The following CCDC73 variants were observed in gnomAD, a reference collection of about 807,000 sequenced individuals.
CCDC73 encodes the protein coiled-coil domain-containing protein 73.
Under a neutral mutation model 116.5 loss-of-function variants are expected in CCDC73, and 95 were observed. The observed-to-expected ratio is 0.82, with a 90% CI of 0.69 to 0.97. The LOEUF (loss-of-function observed/expected upper bound fraction) is 0.97, where lower values mean the gene tolerates loss of function less well. CCDC73 is among the 50% of genes least tolerant of loss of function. The probability of loss-of-function intolerance (pLI) is 0.00; values close to 1 mark genes in which losing one functional copy is unlikely to be tolerated. For missense variants in CCDC73, 1,066 were observed against 1,206.8 expected, an observed-to-expected ratio of 0.88 and a Z score of 1.73; for synonymous variants, 398 against 401.3, an observed-to-expected ratio of 0.99 and a Z score of 0.10.
intron 5 of CCDC73, among the ~76,000 whole-genome samples, chr11:32,699,957 A>G (rs1292700340): frequency 6.6e-6 from 1 of 150,822 alleles, no homozygotes; most frequent in Non-Finnish European, 1.5e-5. Context: ...TTAACCTTCC[A>G]TCTGTACTAC....
chr11:32,614,980 C>T (rs1855461835), intron 15 of CCDC73, 38 bp from the exon 16 acceptor site: 2 of 1,233,270 alleles, frequency 1.6e-6, no homozygotes, highest in African/African-American at 1.5e-5. Context: ...TTATATTATA[C>T]ACTAAAGGCT....
chr11:32,701,571 G>T (rs1849813464), intron 4 of CCDC73, among the ~76,000 whole-genome samples: 1 of 152,012 alleles, frequency 6.6e-6, no homozygotes, highest in Non-Finnish European at 1.5e-5. Flanking sequence ...TTAAGCACCT[G>T]TAGTCCCAGC....
chr11:32,615,277 T>A (rs905735295), intron 15 of CCDC73, among the ~76,000 whole-genome samples: 7 of 152,284 alleles, frequency 4.6e-5, no homozygotes, highest in Middle Eastern at 3.4e-3. Context: ...GGACACTTAG[T>A]ACAATTCCAC....
chr11:32,635,647 G>A, intron 14 of CCDC73, 49 bp downstream of exon 14: 1 of 1,227,592 alleles, frequency 8.1e-7, no homozygotes, highest in African/African-American at 1.5e-5. Flanking sequence ...CATAGTGACA[G>A]TCTTAATTTC....
chr11:32,802,369 A>C, the CCDC73 span, among the ~76,000 whole-genome samples: 1 of 152,250 alleles, frequency 6.6e-6, no homozygotes, highest in Non-Finnish European at 1.5e-5. Context: ...ATCTTAGTGA[A>C]TCAAAAATGT....
At position 32,602,994 on chromosome 11, in the gene CCDC73, A is replaced by C. The variant is rs1407725067; in HGVS notation, c.3057T>G (p.Thr1019=). 1 of 1,603,720 alleles carries C rather than the reference A, an allele frequency of 6.2e-7. No homozygotes were observed. The highest frequency in any genetic ancestry group is 1.3e-5 in the African/African-American group (1 of 74,132). The change falls in exon 18 of 18, where the codon ACT becomes ACG. Residue 1019 remains threonine (T), a synonymous_variant. Transcript: ENST00000335185. The part of the protein sequence containing the change: ...EHVKTKPLIS[T]PLQSHLQAIK... ...TTGCCTGCAAATGGCTTTGTAGTGG[A>C]GTTGATATCAGAGGCTTTGTTTTCA...
intron 2 of CCDC73, among the ~76,000 whole-genome samples, chr11:32,738,664 G>C (rs1039639065): frequency 6.6e-6 from 1 of 152,044 alleles, no homozygotes; most frequent in Non-Finnish European, 1.5e-5. Flanking sequence ...TCTTCACTTT[G>C]TTGATTGTTT....
intron 1 of CCDC73, among the ~76,000 whole-genome samples, chr11:32,763,539 C>G (rs1850411387): frequency 6.6e-6 from 1 of 152,204 alleles, no homozygotes; most frequent in African/African-American, 2.4e-5. Flanking sequence ...TCCAACAGAC[C>G]TGCAGCTGAG....
intron 2 of CCDC73, among the ~76,000 whole-genome samples, chr11:32,734,779 T>C (rs1850113411): frequency 6.6e-6 from 1 of 152,172 alleles, no homozygotes; most frequent in Admixed American, 6.6e-5. Flanking sequence ...AATAAAATAC[T>C]GGCAAACCGA....
At chr11:32,776,989 GTATATATATATATATATA>G (rs71063758) in intron 1 of CCDC73, among the ~76,000 whole-genome samples, 32 of 101,128 alleles carry the variant, frequency 3.2e-4, no homozygotes, top group African/African-American at 5.2e-4. Flanking sequence ...ATATACACAT[GTATATATATATATATATA>G]TATATATATA....
intron 2 of CCDC73, among the ~76,000 whole-genome samples, chr11:32,726,415 C>G (rs10835960): frequency 0.27 from 41,140 of 151,892 alleles, 6,452 homozygotes; most frequent in East Asian, 0.79. Flanking sequence ...AAATTAAGAA[C>G]TCAATAGATT....
At chr11:32,703,192 A>AT (rs1196933677) in intron 3 of CCDC73, among the ~76,000 whole-genome samples, 5 of 152,044 alleles carry the variant, frequency 3.3e-5, no homozygotes, top group African/African-American at 9.7e-5. Context: ...GGCTCAGGTG[A>AT]TTCTCCTGCC....
At chr11:32,643,628 A>G (rs959096850) in intron 12 of CCDC73, among the ~76,000 whole-genome samples, 3 of 152,170 alleles carry the variant, frequency 2.0e-5, no homozygotes, top group African/African-American at 7.2e-5. Flanking sequence ...GAAAAGGTAC[A>G]GTAAAAATGA....
chr11:32,744,086 A>G (rs1473691681), intron 2 of CCDC73, among the ~76,000 whole-genome samples: 5 of 152,180 alleles, frequency 3.3e-5, no homozygotes, highest in Admixed American at 1.3e-4. Context: ...CGTTCCATCG[A>G]TACCTAGTTT....
intron 7 of CCDC73, chr11:32,680,121 A>G (rs1856130092): frequency 6.6e-6 from 1 of 152,196 alleles, no homozygotes; most frequent in Non-Finnish European, 1.5e-5. Context: ...TAGTTTTGAA[A>G]ATGAGATGAA....
In CCDC73 at chr11:32,614,595, ATGTTT is replaced by A. The variant is rs1565056897; in HGVS notation, c.1718_1722del (p.Lys573IlefsTer3). 6 of 1,611,174 alleles carry A rather than the reference ATGTTT, an allele frequency of 3.7e-6. No homozygotes were observed. Among genetic ancestry groups the A allele is most frequent in the Non-Finnish European group, 5.1e-6 (6 of 1,177,874 alleles). ...GTCTCATTTAAAATACTGTTAAATG[ATGTTT>A]TGTTATTTTCAACCTCCAGATTTAC... On this transcript the variant is annotated frameshift_variant, in exon 16 of 18. Transcript: ENST00000335185. LOFTEE classifies it high-confidence loss of function.
rs528706997 is a variant in CCDC73 at position 32,686,000 on chromosome 11, G to A, written c.391-2426C>T. Among the ~76,000 whole-genome samples the A allele has an allele frequency of 5.9e-5, 9 of 151,970 alleles. No homozygotes were observed. In the East Asian group the frequency reaches 9.7e-4, roughly 16 times the overall value. ...CTCCCAAAGTGCTGGGATTAGAGGC[G>A]TGAGCCACCGCGCCAGGCCCTGACT... On this transcript the variant is annotated intron_variant, in intron 6 of 17. Coordinates refer to ENST00000335185, the MANE Select transcript of CCDC73 (RefSeq NM_001008391.4).
At position 32,734,566 on chromosome 11, in the gene CCDC73, C is replaced by G. The variant is rs188539407; in HGVS notation, c.136-16419G>C. Among the ~76,000 whole-genome samples, 4 of 152,038 alleles carry G rather than the reference C, an allele frequency of 2.6e-5. 1 individual carries two copies. The East Asian group carries it at 7.7e-4, about 29-fold the overall frequency. On this transcript the variant is annotated intron_variant, in intron 2 of 17. Coordinates refer to ENST00000335185, the MANE Select transcript of CCDC73 (RefSeq NM_001008391.4). Reference sequence around the variant, plus strand: ...CTCTGGTTTTCCTAGGCAGAGGACCCTGCAGCCTTCCGCAGTGTTTGTGTC... The same window carrying G: ...CTCTGGTTTTCCTAGGCAGAGGACCGTGCAGCCTTCCGCAGTGTTTGTGTC...
Position 32,675,975 on chromosome 11 carries a change from T to C in CCDC73, c.476A>G (p.Lys159Arg), listed in dbSNP as rs1856084193. ...ATATTTCTCAATTTCACTCAGTTGC[T>C]TATGATAGTCTTCTTTAGCCAGAAG... is the stretch of plus-strand genomic sequence containing the variant. ...LHLLAKEDYH[K>R]QLSEIEKYYA... Residue 159 changes from lysine to arginine, a missense_variant, in exon 8 of 18, where the codon AAG becomes AGG. Coordinates refer to ENST00000335185, the MANE Select transcript of CCDC73 (RefSeq NM_001008391.4). The C allele has an allele frequency of 2.5e-6, 4 of 1,608,880 alleles. No individual in the cohort carries two copies. The highest frequency in any genetic ancestry group is 3.4e-6 in the Non-Finnish European group (4 of 1,178,304).
Sources: gnomAD v4.1 joint callset for allele counts (sites outside exome capture counted in the v4.1 genomes callset) on GRCh38, gnomAD v4.1.1 for gene constraint, MANE v1.5 for transcripts, NCBI Gene and HGNC (gene_info 2026-07-23, HGNC 2026-07-21) for gene names.